FRMD3: variants seen among roughly 807,000 people sequenced by gnomAD.
FRMD3 encodes the protein FERM domain containing 3, also known as FERM domain-containing protein 3.
In FRMD3, 33 loss-of-function variants were observed where a neutral mutation model predicts 70.2. The ratio of observed to expected loss-of-function variants is 0.47; its 90% CI spans 0.36 to 0.63. The LOEUF is 0.63. Ranked by LOEUF, FRMD3 falls within the 20% of genes least tolerant of loss-of-function variation. The pLI is 0.00. For missense variants in FRMD3, 632 were observed against 711.4 expected (o/e 0.89, Z 1.27); for synonymous variants, 279 against 255.9 (o/e 1.09, Z -0.86).
In FRMD3 at chr9:83,389,673, G is replaced by T. The variant is rs761015564; in HGVS notation, c.183C>A (p.Ile61=). 6.2e-7 allele frequency: 1 copy of T among 1,613,984 alleles called. No individual in the cohort carries two copies. The highest frequency in any genetic ancestry group is 1.1e-5 in the South Asian group (1 of 91,084). The part of the protein sequence containing the change: ...ETKGQFLIDH[I]CNYYSLLEKD... ...TCTCCAGCAGGCTGTAGTAGTTGCA[G>T]ATGTGGTCAATGAGAAACTGCCCTT... The change falls in exon 2 of 14, where the codon ATC becomes ATA. Residue 61 remains isoleucine (I), a synonymous_variant. Transcript: ENST00000304195.
intron 1 of FRMD3, among the ~76,000 whole-genome samples, chr9:83,418,445 C>T (rs965717303): frequency 6.6e-6 from 1 of 151,786 alleles, no homozygotes; most frequent in Non-Finnish European, 1.5e-5. Context: ...AACAAATAAT[C>T]CCATTAAAAA....
intron 6 of FRMD3, among the ~76,000 whole-genome samples, chr9:83,314,248 C>T (rs1257488655): frequency 2.6e-5 from 4 of 152,104 alleles, no homozygotes; most frequent in Non-Finnish European, 5.9e-5. Flanking sequence ...GAAATCTCAA[C>T]CACTAGTCCT....
downstream of FRMD3, among the ~76,000 whole-genome samples, chr9:83,243,824 T>A (rs1831959906): frequency 6.6e-6 from 1 of 152,116 alleles, no homozygotes; most frequent in African/African-American, 2.4e-5. Context: ...GTAACACCTT[T>A]TGGTTTAACT....
At chr9:83,484,695 T>C (rs1587458255) in intron 1 of FRMD3, among the ~76,000 whole-genome samples, 1 of 152,166 alleles carries the variant, frequency 6.6e-6, no homozygotes, top group Non-Finnish European at 1.5e-5. Flanking sequence ...TGGGATTACA[T>C]GTGTGAGCCA....
At chr9:83,407,837 GTCTC>G (rs761983764) in intron 1 of FRMD3, among the ~76,000 whole-genome samples, 2,515 of 103,476 alleles carry the variant, frequency 0.024, 40 homozygotes, top group East Asian at 0.037. Context: ...GGGTTGTTGA[GTCTC>G]TCTCTCTCTC....
At chr9:83,361,474 A>G (rs1162923180) in intron 3 of FRMD3, among the ~76,000 whole-genome samples, 2 of 152,202 alleles carry the variant, frequency 1.3e-5, no homozygotes, top group African/African-American at 4.8e-5. Context: ...CACAACAGGG[A>G]TTGGAAGAAA....
chr9:83,312,992 T>C (rs1835421643), intron 7 of FRMD3, among the ~76,000 whole-genome samples: 1 of 152,236 alleles, frequency 6.6e-6, no homozygotes, highest in Non-Finnish European at 1.5e-5. Context: ...AAATGCTTAG[T>C]TTAGGATTAG....
In FRMD3 at chr9:83,267,263, T is replaced by C. The variant is rs933478980; in HGVS notation, c.1196-18747A>G. 76 of 1,497,494 alleles carry C rather than the reference T, an allele frequency of 5.1e-5. No individual in the cohort carries two copies. The South Asian group carries it at 7.8e-4, about 15-fold the overall frequency. 92.8% of individuals were successfully genotyped at this position (1,497,494 alleles called of 1,614,324 possible). A position where few individuals can be genotyped will look rare whatever the true frequency, so the allele number is the denominator to read the frequency against. ...CTGAATGAATCAAATGTCAGGTTCCTAATGCGGCCAACAGAAATAACTCAT... is the reference window on the plus strand; with the variant it reads ...CTGAATGAATCAAATGTCAGGTTCCCAATGCGGCCAACAGAAATAACTCAT... On this transcript the variant is annotated intron_variant, in intron 13 of 13. Coordinates refer to ENST00000304195, the MANE Select transcript of FRMD3 (RefSeq NM_174938.6).
rs569090303 is a variant in FRMD3 at position 83,465,935 on chromosome 9, C to G, written c.147+72150G>C. On this transcript the variant is annotated intron_variant, in intron 1 of 13. Transcript: ENST00000304195. ...GGCTCTTTAGATAAATCAGGAAGTGCCTGCAAGGACCCATCTACTTAGACT... is the reference window on the plus strand; with the variant it reads ...GGCTCTTTAGATAAATCAGGAAGTGGCTGCAAGGACCCATCTACTTAGACT... Among the ~76,000 whole-genome samples the G allele has an allele frequency of 1.5e-4, 23 of 152,256 alleles. No homozygotes were observed. The South Asian group carries it at 2.5e-3, about 16-fold the overall frequency.
chr9:83,485,296 C>T (rs1334087999), intron 1 of FRMD3, among the ~76,000 whole-genome samples: 3 of 152,186 alleles, frequency 2.0e-5, no homozygotes, highest in South Asian at 2.1e-4. Context: ...GCCTTCAACA[C>T]GAGCATCCAT....
At chr9:83,506,446 G>A (rs1401612718) in intron 1 of FRMD3, among the ~76,000 whole-genome samples, 2 of 152,204 alleles carry the variant, frequency 1.3e-5, no homozygotes, top group Admixed American at 1.3e-4. Flanking sequence ...CTACAGATCT[G>A]TATAGCATGT....
chr9:83,379,737 T>C (rs932452318), intron 2 of FRMD3, among the ~76,000 whole-genome samples: 18 of 152,130 alleles, frequency 1.2e-4, no homozygotes, highest in Non-Finnish European at 1.8e-4. Flanking sequence ...GGGTAGAGAA[T>C]TGAAACTTCC....
At chr9:83,265,329 G>T (rs1488971167) in intron 13 of FRMD3, among the ~76,000 whole-genome samples, 2 of 150,444 alleles carry the variant, frequency 1.3e-5, no homozygotes, top group African/African-American at 4.9e-5. Flanking sequence ...GAACCCGGGA[G>T]GTGGAGCTTG....
intron 1 of FRMD3, among the ~76,000 whole-genome samples, chr9:83,492,381 G>A (rs552571709): frequency 1.3e-4 from 20 of 152,284 alleles, no homozygotes; most frequent in African/African-American, 4.6e-4. Context: ...CGTCTTATTG[G>A]GCTAAAAATG....
chr9:83,580,003 C>T, the FRMD3 span, among the ~76,000 whole-genome samples: 4 of 152,004 alleles, frequency 2.6e-5, no homozygotes, highest in Non-Finnish European at 4.4e-5. Flanking sequence ...AGAAGACATA[C>T]GAATGGCCAA....
chr9:83,508,118 C>T (rs1053522843), intron 1 of FRMD3, among the ~76,000 whole-genome samples: 5 of 152,040 alleles, frequency 3.3e-5, no homozygotes, highest in Non-Finnish European at 7.4e-5. Context: ...TGAATCTCAC[C>T]AATATAATGC....
At chr9:83,565,059 T>A in the FRMD3 span, among the ~76,000 whole-genome samples, 5 of 152,340 alleles carry the variant, frequency 3.3e-5, no homozygotes, top group East Asian at 3.9e-4. Context: ...ATTTTTCCCA[T>A]GAAAACACTG....
At chr9:83,542,805 C>G (rs1031192300), upstream of FRMD3, among the ~76,000 whole-genome samples, 1 of 152,152 alleles carries the variant, frequency 6.6e-6, no homozygotes, top group Non-Finnish European at 1.5e-5. Flanking sequence ...CACACAAATA[C>G]AGTCAATTGA....
At chr9:83,579,825 A>C in the FRMD3 span, among the ~76,000 whole-genome samples, 1 of 152,146 alleles carries the variant, frequency 6.6e-6, no homozygotes, top group African/African-American at 2.4e-5. Flanking sequence ...CAGCAAAAGA[A>C]ACAATTAACA....
Sources: allele counts gnomAD v4.1 joint callset (sites outside exome capture counted in the v4.1 genomes callset), GRCh38; gene constraint gnomAD v4.1.1; transcripts MANE v1.5; gene names NCBI Gene and HGNC (gene_info 2026-07-23, HGNC 2026-07-21).